TRPC4AP: variants seen among roughly 807,000 people sequenced by gnomAD.
The protein encoded by TRPC4AP is transient receptor potential cation channel subfamily C member 4 associated protein, also known as short transient receptor potential channel 4-associated protein.
Under a neutral mutation model 99.0 loss-of-function variants are expected in TRPC4AP, and 45 were observed. The observed-to-expected ratio is 0.45, with a 90% CI of 0.36 to 0.58. The LOEUF is 0.58. Ranked by LOEUF, TRPC4AP falls within the 20% of genes least tolerant of loss-of-function variation. The probability of loss-of-function intolerance (pLI) is 0.00; values close to 1 mark genes in which losing one functional copy is unlikely to be tolerated. For synonymous variants in TRPC4AP, 408 were observed against 385.8 expected (o/e 1.06, Z -0.67); for missense variants, 879 against 985.3 (o/e 0.89, Z 1.44).
At chr20:35,086,890 G>A (rs889075643) in intron 1 of TRPC4AP, among the ~76,000 whole-genome samples, 1 of 151,614 alleles carries the variant, frequency 6.6e-6, no homozygotes, top group Non-Finnish European at 1.5e-5. Flanking sequence ...AAAAGTAGCC[G>A]GGCATGGTGG....
chr20:35,022,313 G>A (rs1478356512), intron 8 of TRPC4AP, among the ~76,000 whole-genome samples: 3 of 152,118 alleles, frequency 2.0e-5, no homozygotes, highest in East Asian at 3.9e-4. Context: ...GTGCCACCAC[G>A]CCCAGCTAAT....
chr20:35,073,048 G>T (rs961021752), intron 2 of TRPC4AP, among the ~76,000 whole-genome samples: 3 of 152,146 alleles, frequency 2.0e-5, no homozygotes, highest in African/African-American at 7.2e-5. Flanking sequence ...TGTAGCAATT[G>T]TGAATGGGAG....
intron 8 of TRPC4AP, among the ~76,000 whole-genome samples, chr20:35,022,303 G>A (rs192810296): frequency 0.017 from 2,566 of 152,302 alleles, 38 homozygotes; most frequent in Non-Finnish European, 0.025. Flanking sequence ...CTACAGGCAT[G>A]TGCCACCACG....
intron 1 of TRPC4AP, among the ~76,000 whole-genome samples, chr20:35,088,297 A>G (rs966833118): frequency 1.1e-4 from 16 of 152,240 alleles, no homozygotes; most frequent in African/African-American, 3.6e-4. Flanking sequence ...TAACTTGCCT[A>G]AAGACACATA....
rs772266872 is a variant in TRPC4AP, at chr20:35,010,409, C to T, written c.1410-121G>A. 1.8e-5 allele frequency: 14 copies of T among 761,482 alleles called. 1 individual carries two copies. Among genetic ancestry groups the T allele is most frequent in the East Asian group, 5.4e-5 (2 of 36,718 alleles). 47.2% of individuals were successfully genotyped at this position (761,482 alleles called of 1,614,324 possible). ...GGACAGAATCTGAGAAGCCACCAGG[C>T]ACTTTCCTCTAGCACCTCTCACTCC... On this transcript the variant is annotated intron_variant, in intron 11 of 18. Coordinates refer to ENST00000252015, the MANE Select transcript of TRPC4AP (RefSeq NM_015638.3).
At chr20:35,057,642 C>T in intron 3 of TRPC4AP, 71 bp from the exon 4 acceptor site, 1 of 1,233,674 alleles carries the variant, frequency 8.1e-7, no homozygotes, top group Non-Finnish European at 1.2e-6. Flanking sequence ...TTTGCCATAA[C>T]CATTCATGGC....
Position 35,007,560 on chromosome 20 carries a change from C to T in TRPC4AP, c.1676G>A (p.Gly559Asp). ...YADQMFLLKR[G>D]LLEHILYCIV... ...TGCTCCAGATCATACCTCCAAGAGG[C>T]CTCGCTTCAGCAGGAACATCTGGTC... is the stretch of plus-strand genomic sequence containing the variant. The change falls in exon 14 of 19, where the codon GGC (glycine) becomes GAC (aspartate). Residue 559 changes from glycine (G) to aspartate (D), a missense_variant. Coordinates refer to ENST00000252015, the MANE Select transcript of TRPC4AP (RefSeq NM_015638.3). The T allele has an allele frequency of 6.2e-7, 1 of 1,614,152 alleles. No homozygotes were observed. The highest frequency in any genetic ancestry group is 8.5e-7 in the Non-Finnish European group (1 of 1,180,002).
intron 9 of TRPC4AP, among the ~76,000 whole-genome samples, chr20:35,018,604 G>GAAAAAA (rs11479211): frequency 1.2e-3 from 108 of 88,934 alleles, no homozygotes; most frequent in South Asian, 2.4e-3. Context: ...CTCAAAAAAA[G>GAAAAAA]AAAAAAAAAA....
At chr20:35,004,708 C>A in intron 16 of TRPC4AP, 138 bp from the exon 17 acceptor site, 3 of 688,232 alleles carry the variant, frequency 4.4e-6, no homozygotes, top group African/African-American at 1.8e-5. Context: ...CGAAAGCTGA[C>A]TGTGGCAGAA....
intron 7 of TRPC4AP, among the ~76,000 whole-genome samples, chr20:35,036,807 G>A (rs2083329819): frequency 6.6e-6 from 1 of 152,086 alleles, no homozygotes; most frequent in South Asian, 2.1e-4. Flanking sequence ...TTAGCCAGGC[G>A]TGGTATCGTG....
chr20:35,091,723 CAT>C (rs779482365), intron 1 of TRPC4AP, among the ~76,000 whole-genome samples: 114 of 152,282 alleles, frequency 7.5e-4, no homozygotes, highest in Non-Finnish European at 6.8e-4. Flanking sequence ...TAACAATAAT[CAT>C]ATGTTGGGCA....
intron 10 of TRPC4AP, 90 bp downstream of exon 10, chr20:35,015,918 G>T: frequency 1.9e-6 from 3 of 1,549,392 alleles, no homozygotes; most frequent in Non-Finnish European, 1.8e-6. Flanking sequence ...TACTCCCAAA[G>T]GAAAAAAGGT....
intron 2 of TRPC4AP, among the ~76,000 whole-genome samples, chr20:35,069,704 G>A (rs778415523): frequency 9.9e-5 from 15 of 152,174 alleles, no homozygotes; most frequent in Non-Finnish European, 1.0e-4. Flanking sequence ...ACTTTGGGAG[G>A]CTAAGGTGGG....
intron 8 of TRPC4AP, among the ~76,000 whole-genome samples, chr20:35,023,853 A>C (rs1482799923): frequency 2.0e-5 from 3 of 152,266 alleles, no homozygotes; most frequent in Non-Finnish European, 2.9e-5. Context: ...TCTGCGAAGA[A>C]AGAGACAGGG....
intron 8 of TRPC4AP, among the ~76,000 whole-genome samples, chr20:35,031,008 C>G (rs1207192459): frequency 6.6e-6 from 1 of 152,076 alleles, no homozygotes; most frequent in Non-Finnish European, 1.5e-5. Context: ...TTCAGTTTTT[C>G]TTTTCTAAGA....
chr20:35,020,491 G>A (rs569063024), intron 9 of TRPC4AP, among the ~76,000 whole-genome samples: 3 of 152,202 alleles, frequency 2.0e-5, no homozygotes, highest in Admixed American at 6.5e-5. Context: ...TCTTCTGGAC[G>A]TTTTCATCCT....
chr20:35,005,306 A>G (rs2082493578), intron 16 of TRPC4AP, among the ~76,000 whole-genome samples: 1 of 152,184 alleles, frequency 6.6e-6, no homozygotes, highest in African/African-American at 2.4e-5. Context: ...CTAGGAAAAA[A>G]AGGAAACGCG....
intron 3 of TRPC4AP, among the ~76,000 whole-genome samples, chr20:35,063,889 TA>T (rs1480613939): frequency 6.6e-6 from 1 of 152,020 alleles, no homozygotes; most frequent in Admixed American, 6.6e-5. Context: ...TTAAAAGCTG[TA>T]ATTAAAAAAA....
chr20:35,052,300 C>T (rs1410070491), intron 5 of TRPC4AP, among the ~76,000 whole-genome samples: 3 of 151,860 alleles, frequency 2.0e-5, no homozygotes, highest in South Asian at 4.1e-4. Context: ...TTCTATGTTG[C>T]CCAGGCTGGT....
Sources: gnomAD v4.1 joint callset for allele counts (sites outside exome capture counted in the v4.1 genomes callset) on GRCh38, gnomAD v4.1.1 for gene constraint, MANE v1.5 for transcripts, NCBI Gene and HGNC (gene_info 2026-07-23, HGNC 2026-07-21) for gene names.